TEX29: variants seen among roughly 807,000 people sequenced by gnomAD.
TEX29 encodes testis-expressed protein 29.
Under a neutral mutation model 18.2 loss-of-function variants are expected in TEX29, and 26 were observed. That is an observed-to-expected ratio of 1.43 (90% CI 1.04 to 1.98). The LOEUF is 1.98. TEX29 is among the 30% of genes most tolerant of loss of function. The probability of loss-of-function intolerance (pLI) is 0.00; values close to 1 mark genes in which losing one functional copy is unlikely to be tolerated. For synonymous variants in TEX29, 83 were observed against 78.5 expected, an observed-to-expected ratio of 1.06 and a Z score of -0.31; for missense variants, 177 against 194.2, an observed-to-expected ratio of 0.91 and a Z score of 0.53.
intron 3 of TEX29, among the ~76,000 whole-genome samples, chr13:111,334,894 A>G (rs1157379977): frequency 6.6e-6 from 1 of 152,200 alleles, no homozygotes; most frequent in Non-Finnish European, 1.5e-5. Flanking sequence ...AGTGGCTGCC[A>G]GGCTGCTGGC....
In TEX29 at chr13:111,337,618, G is replaced by A. The variant is rs143015628; in HGVS notation, c.170-2245G>A. Among the ~76,000 whole-genome samples the A allele has an allele frequency of 1.8e-3, 275 of 152,186 alleles. 1 individual carries two copies. Among genetic ancestry groups the A allele is most frequent in the African/African-American group, 6.2e-3 (257 of 41,520 alleles). ...ATCTAGGGTGTAAATACCAGGAGGT[G>A]AGAATCGGGAGGCCATCCTGGAAGC... On this transcript the variant is annotated intron_variant, in intron 3 of 5. Transcript: ENST00000283547.
intron 4 of TEX29, among the ~76,000 whole-genome samples, chr13:111,341,932 T>C (rs1362357611): frequency 2.0e-5 from 3 of 152,238 alleles, no homozygotes; most frequent in African/African-American, 7.2e-5. Flanking sequence ...AGTGAGGCTC[T>C]AACTCAGGCT....
At chr13:111,339,198 C>T in intron 3 of TEX29, 2 of 451,776 alleles carry the variant, frequency 4.4e-6, no homozygotes, top group African/African-American at 2.0e-5. Context: ...TTGGAGAAGG[C>T]ACGGGAAACT....
chr13:111,323,906 C>T (rs1183973725), intron 2 of TEX29, among the ~76,000 whole-genome samples: 1 of 152,252 alleles, frequency 6.6e-6, no homozygotes, highest in African/African-American at 2.4e-5. Context: ...GATGCTCAAA[C>T]TCCGGGAGAA....
chr13:111,343,979 C>A, intron 5 of TEX29, 104 bp from the exon 6 acceptor site: 1 of 936,822 alleles, frequency 1.1e-6, no homozygotes, highest in South Asian at 1.5e-5. Context: ...TCAATCATTG[C>A]CAATCAGACA....
intron 3 of TEX29, among the ~76,000 whole-genome samples, chr13:111,328,572 A>G (rs1229426053): frequency 1.3e-5 from 2 of 151,770 alleles, no homozygotes; most frequent in Admixed American, 1.3e-4. Flanking sequence ...GGCCCCCTTC[A>G]TGGAGGAATT....
In TEX29 at chr13:111,328,285, C is replaced by A. The variant is rs375512703; in HGVS notation, c.161C>A (p.Ala54Glu). 2 of 1,613,038 alleles carry A rather than the reference C, an allele frequency of 1.2e-6. No homozygotes were observed. The highest frequency in any genetic ancestry group is 1.3e-5 in the African/African-American group (1 of 75,038). ...CFYEGVCYKK[A>E]VPIYIHVFSA... ...TACGAAGGCGTCTGCTACAAGAAAG[C>A]GGTTCCCAGTGAGTAGACGCCCCGG... Residue 54 changes from alanine to glutamate, a missense_variant, in exon 3 of 6, where the codon GCG becomes GAG. Physicochemically the swap from Ala to Glu is moderately radical, Grantham distance 107. Coordinates refer to ENST00000283547, the MANE Select transcript of TEX29 (RefSeq NM_152324.3).
intron 3 of TEX29, among the ~76,000 whole-genome samples, chr13:111,337,791 C>T (rs1324775236): frequency 1.3e-5 from 2 of 152,142 alleles, no homozygotes; most frequent in Middle Eastern, 3.2e-3. Flanking sequence ...CCAGTGTGCT[C>T]CTCGGTACAT....
intron 2 of TEX29, among the ~76,000 whole-genome samples, chr13:111,322,166 A>G (rs1432725937): frequency 1.3e-5 from 2 of 152,198 alleles, no homozygotes; most frequent in African/African-American, 4.8e-5. Flanking sequence ...CCACCAGGCC[A>G]CCAGACTTTG....
chr13:111,331,788 G>T (rs191323548), intron 3 of TEX29, among the ~76,000 whole-genome samples: 16 of 152,278 alleles, frequency 1.1e-4, no homozygotes, highest in Admixed American at 5.9e-4. Context: ...ATATTCAGTT[G>T]TCCCAGCATC....
chr13:111,338,366 G>T (rs2093692509), intron 3 of TEX29, among the ~76,000 whole-genome samples: 1 of 152,164 alleles, frequency 6.6e-6, no homozygotes, highest in South Asian at 2.1e-4. Context: ...AGACTGCTGT[G>T]ATGCTAGGAG....
intron 4 of TEX29, 22 bp downstream of exon 4, chr13:111,339,954 T>C: frequency 1.4e-6 from 2 of 1,399,798 alleles, no homozygotes; most frequent in Non-Finnish European, 2.0e-6. Flanking sequence ...TGTTCTTTAC[T>C]GGGAGGGTGG....
intron 2 of TEX29, among the ~76,000 whole-genome samples, chr13:111,321,881 G>A (rs1357353323): frequency 6.6e-6 from 1 of 152,222 alleles, no homozygotes; most frequent in Non-Finnish European, 1.5e-5. Context: ...CTGAGATTGT[G>A]CCACTCCACT....
chr13:111,336,234 G>A (rs542876989), intron 3 of TEX29, among the ~76,000 whole-genome samples: 35 of 152,126 alleles, frequency 2.3e-4, no homozygotes, highest in Admixed American at 1.8e-3. Context: ...GGTTTCTTTC[G>A]GGCCTGTAGG....
At chr13:111,320,993 G>GT (rs751176581) in intron 2 of TEX29, 45 bp downstream of exon 2, 31 of 479,840 alleles carry the variant, frequency 6.5e-5, no homozygotes, top group Non-Finnish European at 8.6e-5. Context: ...TGGGGGAGCA[G>GT]TTGGGGGGGG....
intron 2 of TEX29, among the ~76,000 whole-genome samples, chr13:111,327,947 C>T (rs151324825): frequency 8.5e-5 from 13 of 152,350 alleles, no homozygotes; most frequent in Admixed American, 3.3e-4. Context: ...ATCTCCTAAT[C>T]GTTAGAGGCC....
Position 111,339,209 on chromosome 13 carries a change from T to C in TEX29, c.170-654T>C. The C allele has an allele frequency of 6.6e-6, 3 of 453,890 alleles. No homozygotes were observed. In the Admixed American group the frequency reaches 7.1e-5, roughly 11 times the overall value. The allele number at this position is 453,890 out of a possible 1,614,324, so 28.1% of individuals were successfully genotyped here. ...TGGGTTGGAGAAGGCACGGGAAACT[T>C]GGGGATTGCAGGAACCCCTTTTAAT... On this transcript the variant is annotated intron_variant, in intron 3 of 5. Transcript: ENST00000283547.
chr13:111,317,382 G>A (rs987838585), upstream of TEX29, among the ~76,000 whole-genome samples: 5 of 152,148 alleles, frequency 3.3e-5, no homozygotes, highest in African/African-American at 1.2e-4. Flanking sequence ...GCAGCAGCAT[G>A]TAGGGAATGC....
intron 2 of TEX29, among the ~76,000 whole-genome samples, chr13:111,327,121 T>C (rs1434568883): frequency 2.6e-5 from 4 of 152,148 alleles, no homozygotes; most frequent in African/African-American, 9.7e-5. Flanking sequence ...CCCATGCAAC[T>C]GAGGGAGGAG....
Sources: allele counts gnomAD v4.1 joint callset (sites outside exome capture counted in the v4.1 genomes callset), GRCh38; gene constraint gnomAD v4.1.1; transcripts MANE v1.5; gene names NCBI Gene and HGNC (gene_info 2026-07-23, HGNC 2026-07-21).